The following IGDCC4 variants were observed in gnomAD, a reference collection of about 807,000 sequenced individuals.
IGDCC4 encodes immunoglobulin superfamily DCC subclass member 4.
IGDCC4 carries 72 observed loss-of-function variants against 116.6 expected under a neutral mutation model. That is an observed-to-expected ratio of 0.62 (90% confidence interval 0.51 to 0.75). IGDCC4 has a LOEUF of 0.75. IGDCC4 is among the 30% of genes least tolerant of loss of function. IGDCC4 has a pLI of 0.00. For missense variants in IGDCC4, 1,501 were observed against 1,662.4 expected (o/e 0.90, Z 1.69); for synonymous variants, 709 against 719.9 (o/e 0.98, Z 0.24).
chr15:65,399,447 CAAAAAA>C lies in IGDCC4; in HGVS notation c.841+1353_841+1358del, dbSNP rs112040935. Among the ~76,000 whole-genome samples the C allele has an allele frequency of 6.6e-3, 467 of 71,166 alleles. 2 individuals carry two copies. The highest frequency in any genetic ancestry group is 0.017 in the African/African-American group (406 of 23,520). The allele number at this position is 71,166 out of a possible 152,430, so 46.7% of individuals were successfully genotyped here. On this transcript the variant is annotated intron_variant, in intron 5 of 19. Coordinates refer to ENST00000352385, the MANE Select transcript of IGDCC4 (RefSeq NM_020962.3). ...ATTGCACTCCAGCCTGGGTGACAGG[CAAAAAA>C]AAAAAAAAAAAAAAAAAAGATTCCT...
At position 65,397,113 on chromosome 15, in the gene IGDCC4, C is replaced by G. The variant is rs111710616; in HGVS notation, c.842-124G>C. On this transcript the variant is annotated intron_variant, in intron 5 of 19. Coordinates refer to ENST00000352385, the MANE Select transcript of IGDCC4 (RefSeq NM_020962.3). ...ACACAACCGTCCCTGGTCCGAATCT[C>G]ATTTCCTCCTCTTGCTGGGACTCTC... The G allele has an allele frequency of 2.2e-3, 2,646 of 1,216,688 alleles. 45 individuals are homozygous for G. The African/African-American group carries it at 0.035, about 16-fold the overall frequency. 75.4% of individuals were successfully genotyped at this position (1,216,688 alleles called of 1,614,324 possible).
rs1251112065 is a variant in IGDCC4, at chr15:65,386,736, T to C, written c.2846-80A>G. 6.5e-6 allele frequency: 7 copies of C among 1,069,350 alleles called. No homozygotes were observed. In the East Asian group the frequency reaches 1.5e-4, roughly 23 times the overall value. The allele number at this position is 1,069,350 out of a possible 1,614,324, so 66.2% of individuals were successfully genotyped here. A position where few individuals can be genotyped will look rare whatever the true frequency, so the allele number is the denominator to read the frequency against. ...CATAGATCAGGACTATCCATGGCTT[T>C]CTCAGGAGACACCAGCTGGACCCTC... On this transcript the variant is annotated intron_variant, in intron 16 of 19. Coordinates refer to ENST00000352385, the MANE Select transcript of IGDCC4 (RefSeq NM_020962.3).
At chr15:65,401,685 G>T (rs2062987931) in intron 4 of IGDCC4, among the ~76,000 whole-genome samples, 2 of 152,176 alleles carry the variant, frequency 1.3e-5, no homozygotes. Context: ...AGTGAGATCT[G>T]TTGAGCACCT....
chr15:65,397,366 C>T (rs937028134), intron 5 of IGDCC4, among the ~76,000 whole-genome samples: 2 of 152,184 alleles, frequency 1.3e-5, no homozygotes, highest in Non-Finnish European at 2.9e-5. Context: ...CTGGTAAGGT[C>T]GGACCAAGCC....
chr15:65,394,321 C>G (rs2062896975), intron 9 of IGDCC4, 90 bp downstream of exon 9: 6 of 1,584,118 alleles, frequency 3.8e-6, no homozygotes, highest in Non-Finnish European at 3.4e-6. Flanking sequence ...TCCTCCGACT[C>G]CCGTACCCTG....
At position 65,404,320 on chromosome 15, in the gene IGDCC4, G is replaced by A. The variant is rs559626395; in HGVS notation, c.564-1833C>T. ...CAACAGCTGCCTACATAAGTGCTGG[G>A]GCAGAGCGAGAGAAAGGGACAGGGA... On this transcript the variant is annotated intron_variant, in intron 3 of 19. Transcript: ENST00000352385. Among the ~76,000 whole-genome samples, 246 of 152,216 alleles carry A rather than the reference G, an allele frequency of 1.6e-3. 1 individual carries two copies. The highest frequency in any genetic ancestry group is 2.2e-3 in the Admixed American group (34 of 15,280).
chr15:65,383,113 G>A lies in IGDCC4; in HGVS notation c.*896C>T, dbSNP rs184897777. 4 of 152,244 alleles carry A rather than the reference G, an allele frequency of 2.6e-5. No homozygotes were observed. Among genetic ancestry groups the A allele is most frequent in the Non-Finnish European group, 4.4e-5 (3 of 68,342 alleles). The allele number at this position is 152,244 out of a possible 1,614,324, so 9.4% of individuals were successfully genotyped here. On this transcript the variant is annotated 3_prime_UTR_variant, in exon 20 of 20. Coordinates refer to ENST00000352385, the MANE Select transcript of IGDCC4 (RefSeq NM_020962.3). ...GCAGGAGGATGGCAGGCGAGTGCGC[G>A]GCAGCCGCGGATACAGGAAGGGCAC...
In IGDCC4 at chr15:65,384,788, C is replaced by A; in HGVS notation, c.3342+166G>T. ...GTTGAAACAGGTTCCTGCAAACTGG[C>A]CTGCCCTCCACCTACTCAACCTTTG... On this transcript the variant is annotated intron_variant, in intron 19 of 19. Coordinates refer to ENST00000352385, the MANE Select transcript of IGDCC4 (RefSeq NM_020962.3). The surrounding 1 kb of genome is among the most constrained non-coding windows in gnomAD (Gnocchi z 4.9). 1 of 887,830 alleles carries A rather than the reference C, an allele frequency of 1.1e-6. No homozygotes were observed. The highest frequency in any genetic ancestry group is 2.8e-5 in the Admixed American group (1 of 35,492). 55.0% of individuals were successfully genotyped at this position (887,830 alleles called of 1,614,324 possible). A position where few individuals can be genotyped will look rare whatever the true frequency, so the allele number is the denominator to read the frequency against.
intron 8 of IGDCC4, 57 bp from the exon 9 acceptor site, chr15:65,394,605 C>G (rs552973819): frequency 6.6e-7 from 1 of 1,518,648 alleles, no homozygotes; most frequent in Non-Finnish European, 8.9e-7. Context: ...AGGTGAGGCT[C>G]GGGAGCGGTC....
At chr15:65,410,624 C>G (rs1277021301) in intron 2 of IGDCC4, 1 of 489,582 alleles carries the variant, frequency 2.0e-6, no homozygotes, top group Non-Finnish European at 3.7e-6. Context: ...TCCTGAGAGC[C>G]CCCTAAGGGG....
chr15:65,395,810 G>T lies in IGDCC4; in HGVS notation c.1351C>A (p.Arg451=), dbSNP rs150040368. The T allele has an allele frequency of 1.0e-5, 15 of 1,504,784 alleles. No homozygotes were observed. In the African/African-American group the frequency reaches 1.7e-4, roughly 17 times the overall value. 93.2% of individuals were successfully genotyped at this position (1,504,784 alleles called of 1,614,324 possible). Residue 451 remains arginine, a synonymous_variant, in exon 7 of 20, where the codon CGG becomes AGG. Coordinates refer to ENST00000352385, the MANE Select transcript of IGDCC4 (RefSeq NM_020962.3). ...SSSAVLVAWE[R]PEMHSEQIIG... The stretch of plus-strand genomic sequence containing the variant: ...ATCTGCTCGCTGTGCATCTCGGGCC[G>T]CTCCCAGGCCACCAACACAGCGGAG...
At chr15:65,408,307 A>C (rs1169857334) in intron 3 of IGDCC4, among the ~76,000 whole-genome samples, 1 of 152,150 alleles carries the variant, frequency 6.6e-6, no homozygotes, top group East Asian at 1.9e-4. Context: ...GGGCATCAGG[A>C]GTAGGCTCTC....
Position 65,393,635 on chromosome 15 carries a change from C to A in IGDCC4, c.1715-104G>T. 1 of 1,240,572 alleles carries A rather than the reference C, an allele frequency of 8.1e-7. No individual in the cohort carries two copies. Among genetic ancestry groups the A allele is most frequent in the Admixed American group, 2.3e-5 (1 of 43,812 alleles). 76.8% of individuals were successfully genotyped at this position (1,240,572 alleles called of 1,614,324 possible). A position where few individuals can be genotyped will look rare whatever the true frequency, so the allele number is the denominator to read the frequency against. ...CCTCACATCCCGGTTCCTCCGTGCC[C>A]GTGGGAGCCTGAGGCGTTCTCAGCA... On this transcript the variant is annotated intron_variant, in intron 9 of 19. Transcript: ENST00000352385. This position sits in a 1 kb window ranked among gnomAD's most constrained non-coding sequence, Gnocchi z 4.6.
rs1481888063 is a variant in IGDCC4, at chr15:65,395,903, G to A, written c.1258C>T (p.Leu420=). Reference sequence around the variant, plus strand: ...AGCCCCTCGCGCACCACCACGGCCAGCGACGCGGCAGCGCACGCCATTCCC... The same window carrying A: ...AGCCCCTCGCGCACCACCACGGCCAACGACGCGGCAGCGCACGCCATTCCC... ...SAGMACAAAS[L]AVVVREGLPS... Residue 420 remains leucine, a synonymous_variant, in exon 7 of 20, where the codon CTG becomes TTG. Transcript: ENST00000352385. 3.1e-6 allele frequency: 5 copies of A among 1,589,974 alleles called. No individual in the cohort carries two copies. The highest frequency in any genetic ancestry group is 4.3e-6 in the Non-Finnish European group (5 of 1,175,106).
intron 8 of IGDCC4, 101 bp from the exon 9 acceptor site, chr15:65,394,649 G>T: frequency 8.3e-7 from 1 of 1,202,694 alleles, no homozygotes; most frequent in Non-Finnish European, 1.1e-6. Flanking sequence ...CAAGTCAGAA[G>T]TAGGCCAGGA....
Position 65,416,593 on chromosome 15 carries a change from C to G in IGDCC4, c.71-5223G>C, listed in dbSNP as rs527492926. Among the ~76,000 whole-genome samples the G allele has an allele frequency of 2.0e-5, 3 of 152,248 alleles. No homozygotes were observed. In the South Asian group the frequency reaches 6.2e-4, roughly 32 times the overall value. Reference sequence around the variant, plus strand: ...CTTCATGGCCAGCGCTTACTTGCCACCCCCAGCCCACTGTCATGGCTGACC... The same window carrying G: ...CTTCATGGCCAGCGCTTACTTGCCAGCCCCAGCCCACTGTCATGGCTGACC... On this transcript the variant is annotated intron_variant, in intron 1 of 19. Transcript: ENST00000352385.
At chr15:65,385,701 A>G (rs886847980) in intron 18 of IGDCC4, 130 bp downstream of exon 18, 2 of 783,872 alleles carry the variant, frequency 2.6e-6, no homozygotes, top group Non-Finnish European at 2.3e-6. Context: ...TGGAGGAGGG[A>G]GAGAGGCCCT....
At chr15:65,385,443 C>T (rs2091446573) in intron 18 of IGDCC4, 1 of 520,860 alleles carries the variant, frequency 1.9e-6, no homozygotes, top group Non-Finnish European at 3.4e-6. Context: ...AGGGACCAGC[C>T]CAGCGAAGGC....
At chr15:65,389,121 C>T in intron 14 of IGDCC4, 143 bp from the exon 15 acceptor site, 1 of 1,144,016 alleles carries the variant, frequency 8.7e-7, no homozygotes, top group South Asian at 1.6e-5. Context: ...TTCTAGAAAA[C>T]AGTATGTGTG....
Sources: gnomAD v4.1 joint callset for allele counts (sites outside exome capture counted in the v4.1 genomes callset) on GRCh38, gnomAD v4.1.1 for gene constraint, Gnocchi (gnomAD v3.1) non-coding constraint, MANE v1.5 for transcripts, NCBI Gene and HGNC (gene_info 2026-07-23, HGNC 2026-07-21) for gene names.